NBAS: variants seen among roughly 807,000 people sequenced by gnomAD.
NBAS encodes NAG/BC035112 fusion.
A neutral mutation model predicts 302.5 loss-of-function variants in NBAS; 219 were observed. The observed-to-expected ratio is 0.72, with a 90% CI of 0.65 to 0.81. The LOEUF (loss-of-function observed/expected upper bound fraction) is 0.81. NBAS is among the 30% of genes least tolerant of loss of function. The pLI, the probability that NBAS is intolerant of heterozygous loss-of-function variation, is 0.00. For synonymous variants in NBAS, 1,118 were observed against 1,021.6 expected, an observed-to-expected ratio of 1.09 and a Z score of -1.80; for missense variants, 2,932 against 2,841.6, an observed-to-expected ratio of 1.03 and a Z score of -0.72.
the NBAS span, among the ~76,000 whole-genome samples, chr2:14,947,039 A>G: frequency 6.6e-6 from 1 of 152,198 alleles, no homozygotes. Flanking sequence ...GGAAGTTTAT[A>G]GCAATAAATG....
rs151010439 is a variant in NBAS at position 15,183,304 on chromosome 2, T to C, written c.6711+3438A>G. ...AGCAGCCTCAGGAAAACATAATCTA[T>C]AAATGTGCCCAATTGAGAGACAGAA... On this transcript the variant is annotated intron_variant, in intron 50 of 51. Transcript: ENST00000281513. Among the ~76,000 whole-genome samples the C allele has an allele frequency of 2.3e-3, 344 of 152,304 alleles. 1 individual carries two copies. The highest frequency in any genetic ancestry group is 7.9e-3 in the African/African-American group (330 of 41,572).
chr2:15,440,576 A>C (rs1344424155), intron 21 of NBAS, among the ~76,000 whole-genome samples: 2 of 152,158 alleles, frequency 1.3e-5, no homozygotes, highest in Non-Finnish European at 2.9e-5. Flanking sequence ...GAGCAGAAAA[A>C]CTGGAAACTC....
At chr2:15,546,273 T>C (rs1572998555) in intron 6 of NBAS, among the ~76,000 whole-genome samples, 1 of 152,142 alleles carries the variant, frequency 6.6e-6, no homozygotes, top group Non-Finnish European at 1.5e-5. Flanking sequence ...TTTCTTTTCT[T>C]TTTTCTCACT....
intron 47 of NBAS, among the ~76,000 whole-genome samples, chr2:15,223,330 T>C (rs370955730): frequency 1.3e-3 from 202 of 152,236 alleles, no homozygotes; most frequent in African/African-American, 4.5e-3. Flanking sequence ...AGCATGTCAG[T>C]ATTTTTTTTT....
the NBAS span, among the ~76,000 whole-genome samples, chr2:14,845,997 G>A: frequency 2.6e-5 from 4 of 152,062 alleles, no homozygotes; most frequent in South Asian, 2.1e-4. Context: ...TATTCAAAGC[G>A]ATAATAACAC....
At chr2:15,477,687 G>GA (rs560035477) in intron 13 of NBAS, among the ~76,000 whole-genome samples, 14 of 152,166 alleles carry the variant, frequency 9.2e-5, no homozygotes, top group African/African-American at 2.2e-4. Context: ...AACTAAAAGT[G>GA]AAAAAATCTC....
chr2:15,177,874 T>A (rs1341716595), intron 51 of NBAS: 1 of 267,162 alleles, frequency 3.7e-6, no homozygotes, highest in Non-Finnish European at 7.4e-6. Context: ...TTATTGGTGA[T>A]CAGGTACGGT....
At chr2:15,446,352 C>T (rs2148527738) in intron 21 of NBAS, among the ~76,000 whole-genome samples, 1 of 152,284 alleles carries the variant, frequency 6.6e-6, no homozygotes, top group Non-Finnish European at 1.5e-5. Context: ...TAAAGAATGA[C>T]AGCAGACTTC....
chr2:15,002,326 A>G, the NBAS span, among the ~76,000 whole-genome samples: 1 of 152,114 alleles, frequency 6.6e-6, no homozygotes, highest in African/African-American at 2.4e-5. Flanking sequence ...CACAGTGTCG[A>G]TTGGTGCATT....
chr2:15,479,407 T>C (rs997232703), intron 12 of NBAS, among the ~76,000 whole-genome samples: 2 of 152,234 alleles, frequency 1.3e-5, no homozygotes, highest in African/African-American at 4.8e-5. Context: ...AATTTTTCAA[T>C]GCCTCCAAAT....
At chr2:15,436,089 A>T (rs1023974674) in intron 21 of NBAS, among the ~76,000 whole-genome samples, 1 of 152,166 alleles carries the variant, frequency 6.6e-6, no homozygotes, top group Non-Finnish European at 1.5e-5. Flanking sequence ...TGAATGAATG[A>T]TCAGTAGGAA....
At chr2:14,878,224 A>G in the NBAS span, among the ~76,000 whole-genome samples, 1 of 152,284 alleles carries the variant, frequency 6.6e-6, no homozygotes, top group East Asian at 1.9e-4. Context: ...GTTTTCCTAC[A>G]TGAAACTTAA....
At chr2:14,959,668 T>C in the NBAS span, among the ~76,000 whole-genome samples, 3 of 152,216 alleles carry the variant, frequency 2.0e-5, no homozygotes, top group Admixed American at 2.0e-4. Flanking sequence ...TCTGTCAAGA[T>C]ACTTTGATCT....
chr2:15,444,587 G>A (rs2050083519), intron 21 of NBAS, among the ~76,000 whole-genome samples: 2 of 152,086 alleles, frequency 1.3e-5, no homozygotes, highest in African/African-American at 4.8e-5. Context: ...TCAGGACATA[G>A]GCATGGGCAA....
chr2:15,070,772 C>T, the NBAS span, among the ~76,000 whole-genome samples: 1 of 152,186 alleles, frequency 6.6e-6, no homozygotes, highest in Non-Finnish European at 1.5e-5. Flanking sequence ...CATGCATATA[C>T]ATGATCACGT....
intron 28 of NBAS, among the ~76,000 whole-genome samples, chr2:15,393,149 T>C: frequency 6.6e-6 from 1 of 151,864 alleles, no homozygotes; most frequent in Non-Finnish European, 1.5e-5. Context: ...AAAACTTTGT[T>C]AACAAAGGGG....
At chr2:15,293,226 T>C (rs1002632492) in intron 40 of NBAS, among the ~76,000 whole-genome samples, 1 of 152,124 alleles carries the variant, frequency 6.6e-6, no homozygotes, top group Non-Finnish European at 1.5e-5. Flanking sequence ...AACCTCACTA[T>C]AAATGGCTAG....
chr2:14,953,672 G>C, the NBAS span, among the ~76,000 whole-genome samples: 1 of 152,186 alleles, frequency 6.6e-6, no homozygotes, highest in Non-Finnish European at 1.5e-5. Context: ...GGGGCTCCGT[G>C]TCCAGACTTT....
At chr2:15,548,503 G>A (rs1042755517) in intron 6 of NBAS, among the ~76,000 whole-genome samples, 2 of 152,028 alleles carry the variant, frequency 1.3e-5, no homozygotes, top group Non-Finnish European at 2.9e-5. Flanking sequence ...AATGCCGGGT[G>A]TGATGGCACG....
Sources: allele counts gnomAD v4.1 joint callset (sites outside exome capture counted in the v4.1 genomes callset), GRCh38; gene constraint gnomAD v4.1.1; transcripts MANE v1.5; gene names NCBI Gene and HGNC (gene_info 2026-07-23, HGNC 2026-07-21).